The following COG8 variants were observed in gnomAD, a reference collection of about 807,000 sequenced individuals.
The protein encoded by COG8 is conserved oligomeric Golgi complex subunit 8.
COG8 carries 45 observed loss-of-function variants against 46.5 expected under a neutral mutation model. The observed-to-expected ratio is 0.97, with a 90% CI of 0.76 to 1.24. COG8 has a LOEUF of 1.24. Ranked by LOEUF, COG8 falls within the 50% of genes most tolerant of loss-of-function variation. The pLI, the probability that COG8 is intolerant of heterozygous loss-of-function variation, is 0.00. For missense variants in COG8, 793 were observed against 820.8 expected, an observed-to-expected ratio of 0.97 and a Z score of 0.41; for synonymous variants, 407 against 347.8, an observed-to-expected ratio of 1.17 and a Z score of -1.90.
intron 5 of COG8, chr16:69,330,416 A>C: frequency 6.8e-7 from 1 of 1,476,994 alleles, no homozygotes; most frequent in Non-Finnish European, 8.9e-7. Flanking sequence ...CAGACGCCTC[A>C]GGTGGCGCCA....
Position 69,332,846 on chromosome 16 carries a change from C to G in COG8, c.1450G>C (p.Glu484Gln). 3 of 1,614,236 alleles carry G rather than the reference C, an allele frequency of 1.9e-6. No individual in the cohort carries two copies. Among genetic ancestry groups the G allele is most frequent in the Non-Finnish European group, 2.5e-6 (3 of 1,180,044 alleles). Residue 484 changes from glutamate to glutamine, a missense_variant, in exon 4 of 6, where the codon GAG (glutamate) becomes CAG (glutamine). Glu to Gln is a conservative substitution (Grantham distance 29). Coordinates refer to ENST00000306875, the MANE Select transcript of COG8 (RefSeq NM_032382.5). ...KIILAFHRAE[E>Q]AAFSSGEQEL... is the part of the protein sequence containing the mutation. ...TGCTCCCCGCTGCTGAAGGCAGCCT[C>G]TTCAGCGCGATGGAAGGCCAGGATT...
At chr16:69,336,208 G>C (rs1236077212) in intron 2 of COG8, among the ~76,000 whole-genome samples, 1 of 151,972 alleles carries the variant, frequency 6.6e-6, no homozygotes, top group Non-Finnish European at 1.5e-5. Context: ...TTTTTCTTCA[G>C]ACACCACTAT....
intron 5 of COG8, chr16:69,330,279 G>T: frequency 1.4e-6 from 2 of 1,434,376 alleles, no homozygotes. Flanking sequence ...TGGACCAGCC[G>T]TTGCGTCAGC....
rs1188105980 is a variant in COG8, at chr16:69,338,956, T to G, written c.377+220A>C. 11 of 643,280 alleles carry G rather than the reference T, an allele frequency of 1.7e-5. No individual in the cohort carries two copies. The East Asian group carries it at 2.9e-4, about 17-fold the overall frequency. 39.8% of individuals were successfully genotyped at this position (643,280 alleles called of 1,614,324 possible). On this transcript the variant is annotated intron_variant, in intron 1 of 5. Coordinates refer to ENST00000306875, the MANE Select transcript of COG8 (RefSeq NM_032382.5). ...TTGCAGCGAGCCGAGATCTCGCCAC[T>G]GCACTCCAGCCTGGCGACAGGGCGA...
rs751895118 is a variant in COG8, at chr16:69,339,560, G to C, written c.-8C>G. The C allele has an allele frequency of 5.6e-6, 9 of 1,609,166 alleles. No individual in the cohort carries two copies. Among genetic ancestry groups the C allele is most frequent in the Non-Finnish European group, 6.8e-6 (8 of 1,179,984 alleles). ...AGTCGCCGCGGTCGCCATCTTCCCA[G>C]CAACAACGTCACTTCCCTTCCGGAC... On this transcript the variant is annotated 5_prime_UTR_variant, in exon 1 of 6. Coordinates refer to ENST00000306875, the MANE Select transcript of COG8 (RefSeq NM_032382.5).
At chr16:69,329,251 C>CCCCCG (rs1965703488) in intron 5 of COG8, 72 bp from the exon 6 acceptor site, 1 of 1,429,312 alleles carries the variant, frequency 7.0e-7, no homozygotes, top group Non-Finnish European at 9.1e-7. Flanking sequence ...CCTACCCCTG[C>CCCCCG]CCCCGGTCCT....
chr16:69,333,447 C>T (rs888494444), intron 3 of COG8, among the ~76,000 whole-genome samples: 3 of 152,168 alleles, frequency 2.0e-5, no homozygotes, highest in African/African-American at 7.2e-5. Context: ...GCATTACAGG[C>T]GTGAGCCACT....
At chr16:69,338,699 A>G (rs2012346807) in intron 1 of COG8, 1 of 160,112 alleles carries the variant, frequency 6.2e-6, no homozygotes, top group Non-Finnish European at 1.4e-5. Flanking sequence ...TGTAAAATGG[A>G]AATAACAGGG....
chr16:69,335,998 T>C (rs1228058378), intron 2 of COG8, among the ~76,000 whole-genome samples: 1 of 152,084 alleles, frequency 6.6e-6, no homozygotes, highest in Admixed American at 6.6e-5. Flanking sequence ...CTGTATCCCT[T>C]AAACACCTCA....
At chr16:69,334,474 T>C in intron 3 of COG8, 47 bp downstream of exon 3, 1 of 1,532,914 alleles carries the variant, frequency 6.5e-7, no homozygotes, top group Non-Finnish European at 9.0e-7. Flanking sequence ...GGCCACCCAT[T>C]ACCAGAGAAG....
At chr16:69,333,194 G>C (rs1014450463) in intron 3 of COG8, among the ~76,000 whole-genome samples, 7 of 148,916 alleles carry the variant, frequency 4.7e-5, no homozygotes, top group Non-Finnish European at 8.9e-5. Context: ...TTAGAGACAG[G>C]ATTTTGCTCT....
intron 4 of COG8, 116 bp from the exon 5 acceptor site, chr16:69,331,211 G>A (rs1460715105): frequency 2.7e-6 from 3 of 1,126,048 alleles, no homozygotes; most frequent in Non-Finnish European, 3.9e-6. Context: ...ACTTTGGGAG[G>A]CCGGGGAGGG....
intron 1 of COG8, 200 bp downstream of exon 1, chr16:69,338,975 AG>A (rs1175924884): frequency 2.8e-6 from 2 of 720,834 alleles, no homozygotes. Context: ...GCCTGGCGAC[AG>A]GGCGAGACTC....
chr16:69,330,195 C>A, intron 5 of COG8: 1 of 1,469,938 alleles, frequency 6.8e-7, no homozygotes, highest in Non-Finnish European at 8.9e-7. Flanking sequence ...TCGGGGAGCT[C>A]CAGCGCCAGC....
In COG8 at chr16:69,329,112, G is replaced by C. The variant is rs542586558; in HGVS notation, c.*94C>G. 2 of 1,611,076 alleles carry C rather than the reference G, an allele frequency of 1.2e-6. No homozygotes were observed. Among genetic ancestry groups the C allele is most frequent in the African/African-American group, 1.3e-5 (1 of 74,996 alleles). On this transcript the variant is annotated 3_prime_UTR_variant, in exon 6 of 6. Coordinates refer to ENST00000306875, the MANE Select transcript of COG8 (RefSeq NM_032382.5). ...GGCAGCCCTGCAGGTGGTCCATCTC[G>C]TGCTGGATGATGCGGGCTGCCCACC... is the stretch of plus-strand genomic sequence containing the variant.
intron 4 of COG8, 88 bp from the exon 5 acceptor site, chr16:69,331,183 C>T: frequency 6.8e-7 from 1 of 1,462,530 alleles, no homozygotes; most frequent in Non-Finnish European, 9.4e-7. Flanking sequence ...CGCGGTGGCT[C>T]ACGCCTGTAA....
At position 69,326,768 on chromosome 16, in the gene COG8, G is replaced by C. The variant is rs550436149; in HGVS notation, c.*2438C>G. ...TGCTCTGAAATTCACTTCTCTGCCT[G>C]GGGATTCTGTTATAAACCTTCTGCC... is the stretch of plus-strand genomic sequence containing the variant. On this transcript the variant is annotated 3_prime_UTR_variant, in exon 6 of 6. Coordinates refer to ENST00000306875, the MANE Select transcript of COG8 (RefSeq NM_032382.5). 1.3e-5 allele frequency: 2 copies of C among 152,308 alleles called. No homozygotes were observed. Among genetic ancestry groups the C allele is most frequent in the East Asian group, 3.9e-4 (2 of 5,190 alleles). 9.4% of individuals were successfully genotyped at this position (152,308 alleles called of 1,614,324 possible).
At chr16:69,329,932 C>G in intron 5 of COG8, 14 of 1,453,388 alleles carry the variant, frequency 9.6e-6, no homozygotes, top group Middle Eastern at 4.0e-4. Context: ...CTTCTGCGCT[C>G]TCGCGGAGTC....
chr16:69,328,690 C>T lies in COG8; in HGVS notation c.*516G>A. 3.9e-6 allele frequency: 1 copy of T among 258,544 alleles called. No homozygotes were observed. The highest frequency in any genetic ancestry group is 5.3e-5 in the South Asian group (1 of 18,856). The allele number at this position is 258,544 out of a possible 1,614,324, so 16.0% of individuals were successfully genotyped here. A position where few individuals can be genotyped will look rare whatever the true frequency, so the allele number is the denominator to read the frequency against. ...ATTTGGGGACTACATTATTACCAAA[C>T]CTTGGCTTTGGGAGATTATACAGGT... On this transcript the variant is annotated 3_prime_UTR_variant, in exon 6 of 6. Transcript: ENST00000306875.
Sources: allele counts gnomAD v4.1 joint callset (sites outside exome capture counted in the v4.1 genomes callset), GRCh38; gene constraint gnomAD v4.1.1; transcripts MANE v1.5; gene names NCBI Gene and HGNC (gene_info 2026-07-23, HGNC 2026-07-21).